The following PGPEP1L variants were observed in gnomAD, a reference collection of about 807,000 sequenced individuals.
The protein encoded by PGPEP1L is pyroglutamyl-peptidase I like.
Under a neutral mutation model 6.0 loss-of-function variants are expected in PGPEP1L, and 7 were observed. That is an observed-to-expected ratio of 1.17 (90% CI 0.66 to 2.19). The LOEUF is 2.19. Ranked by LOEUF, PGPEP1L falls within the 30% of genes most tolerant of loss-of-function variation. PGPEP1L has a pLI of 0.00. For missense variants in PGPEP1L, 209 were observed against 192.5 expected, an observed-to-expected ratio of 1.09 and a Z score of -0.51; for synonymous variants, 103 against 83.9, an observed-to-expected ratio of 1.23 and a Z score of -1.24.
chr15:99,007,248 C>T (rs549680854), intron 1 of PGPEP1L, 111 bp downstream of exon 1: 70 of 152,230 alleles, frequency 4.6e-4, no homozygotes, highest in African/African-American at 1.6e-3. Context: ...GATTTTTGTA[C>T]TTTGCCTCAT....
intron 2 of PGPEP1L, among the ~76,000 whole-genome samples, chr15:98,971,633 G>A (rs1258206413): frequency 6.6e-6 from 1 of 152,186 alleles, no homozygotes. Flanking sequence ...GGAAATCAAT[G>A]CCAGACCTGT....
At chr15:98,975,296 AATG>A (rs2017552245) in intron 2 of PGPEP1L, among the ~76,000 whole-genome samples, 1 of 152,210 alleles carries the variant, frequency 6.6e-6, no homozygotes, top group African/African-American at 2.4e-5. Flanking sequence ...TAGAGAATAG[AATG>A]ATGATTACCA....
intron 2 of PGPEP1L, among the ~76,000 whole-genome samples, chr15:98,993,161 G>A (rs1453367605): frequency 6.6e-6 from 1 of 152,108 alleles, no homozygotes; most frequent in Admixed American, 6.5e-5. Flanking sequence ...TCATCAGAGT[G>A]AACAAGCAAC....
At chr15:98,983,171 AG>A (rs1596518397) in intron 2 of PGPEP1L, among the ~76,000 whole-genome samples, 1 of 145,216 alleles carries the variant, frequency 6.9e-6, no homozygotes, top group East Asian at 2.1e-4. Context: ...AAAAAAAAAA[AG>A]AAGAATCAAG....
intron 2 of PGPEP1L, among the ~76,000 whole-genome samples, chr15:98,972,872 CAAAAAAAAA>C (rs58126997): frequency 1.3e-4 from 6 of 45,688 alleles, no homozygotes; most frequent in East Asian, 8.3e-4. Flanking sequence ...GACTCCGTCT[CAAAAAAAAA>C]AAAAAAAAAA....
intron 2 of PGPEP1L, among the ~76,000 whole-genome samples, chr15:98,997,481 TGACAGC>T (rs1377335399): frequency 4.6e-5 from 7 of 152,094 alleles, no homozygotes; most frequent in African/African-American, 1.7e-4. Flanking sequence ...GTCACCTGAG[TGACAGC>T]TGTATGGGGA....
At chr15:98,986,656 G>A (rs2017751256) in intron 2 of PGPEP1L, among the ~76,000 whole-genome samples, 1 of 152,182 alleles carries the variant, frequency 6.6e-6, no homozygotes, top group Non-Finnish European at 1.5e-5. Context: ...AAGTACAGGT[G>A]GATCTGGTGA....
At chr15:99,007,204 G>A (rs1225707503) in intron 1 of PGPEP1L, among the ~76,000 whole-genome samples, 155 bp downstream of exon 1, 1 of 152,164 alleles carries the variant, frequency 6.6e-6, no homozygotes, top group African/African-American at 2.4e-5. Context: ...GTCCTGAGAA[G>A]CTGGGCCCAC....
chr15:98,977,017 AAAAAAC>A (rs1030555539), intron 2 of PGPEP1L, among the ~76,000 whole-genome samples: 24 of 151,944 alleles, frequency 1.6e-4, no homozygotes, highest in Admixed American at 6.6e-4. Context: ...AAAAAAAAAA[AAAAAAC>A]AAGTCTGTAG....
intron 2 of PGPEP1L, among the ~76,000 whole-genome samples, chr15:98,974,335 C>T (rs956666138): frequency 6.6e-6 from 1 of 152,028 alleles, no homozygotes. Context: ...GCCAAGATCA[C>T]AGCACTGCAC....
intron 2 of PGPEP1L, among the ~76,000 whole-genome samples, chr15:98,979,157 G>A (rs1325968155): frequency 1.3e-5 from 2 of 152,086 alleles, no homozygotes; most frequent in Non-Finnish European, 2.9e-5. Flanking sequence ...CATGCTGACA[G>A]AGTGCGTAAC....
intron 4 of PGPEP1L, among the ~76,000 whole-genome samples, 152 bp from the exon 5 acceptor site, chr15:98,968,849 T>C (rs1411572487): frequency 6.6e-6 from 1 of 152,172 alleles, no homozygotes; most frequent in Non-Finnish European, 1.5e-5. Context: ...AGAAAGAACA[T>C]GGTGCCAGGA....
At chr15:98,987,091 C>A (rs772088163) in intron 2 of PGPEP1L, among the ~76,000 whole-genome samples, 2 of 133,874 alleles carry the variant, frequency 1.5e-5, no homozygotes, top group South Asian at 2.5e-4. Context: ...TGCTTAAACC[C>A]GGGAGGCGAG....
chr15:98,980,838 A>C (rs1345187391), intron 2 of PGPEP1L, among the ~76,000 whole-genome samples: 1 of 152,070 alleles, frequency 6.6e-6, no homozygotes, highest in Non-Finnish European at 1.5e-5. Flanking sequence ...AGGCTGAGCC[A>C]GGAGAATTGC....
Position 98,968,604 on chromosome 15 carries a change from C to A in PGPEP1L, c.303G>T (p.Pro101=). 1 of 1,608,156 alleles carries A rather than the reference C, an allele frequency of 6.2e-7. No homozygotes were observed. Among genetic ancestry groups the A allele is most frequent in the African/African-American group, 1.3e-5 (1 of 75,022 alleles). The change falls in exon 5 of 5, where the codon CCG becomes CCT. Residue 101 remains proline (P), a synonymous_variant. Coordinates refer to ENST00000535714, the MANE Select transcript of PGPEP1L (RefSeq NM_001167902.2). ...TCAAGGCTCTTCCCAGCAGGCTGGC[C>A]GGGAGCCCGCGCGATAGTGGAGGGA... ...IHVPPLSRGL[P]ASLLGRALRV...
At chr15:98,978,388 A>G (rs2017600193) in intron 2 of PGPEP1L, among the ~76,000 whole-genome samples, 1 of 152,240 alleles carries the variant, frequency 6.6e-6, no homozygotes. Context: ...AATTAATGGC[A>G]TCTCAAACTG....
At chr15:98,988,855 C>T (rs1460553955) in intron 2 of PGPEP1L, among the ~76,000 whole-genome samples, 2 of 152,192 alleles carry the variant, frequency 1.3e-5, no homozygotes, top group African/African-American at 2.4e-5. Context: ...AGTGAACCTC[C>T]GGCAAACTCC....
rs369749842 is a variant in PGPEP1L, at chr15:98,982,700, C to CTTTTTTTTTTTTTTTTTTT, written c.-141-11561_-141-11543dup. ...TCACTCTGGTTATTTTTATCTGAGG[C>CTTTTTTTTTTTTTTTTTTT]TTTTTTTTTTTTTTTTTTTTTTTTT... On this transcript the variant is annotated intron_variant, in intron 2 of 4. Transcript: ENST00000535714. Among the ~76,000 whole-genome samples the CTTTTTTTTTTTTTTTTTTT allele has an allele frequency of 1.9e-3, 102 of 52,502 alleles. 19 individuals are homozygous for CTTTTTTTTTTTTTTTTTTT. The highest frequency in any genetic ancestry group is 3.5e-3 in the Non-Finnish European group (84 of 23,884). The allele number at this position is 52,502 out of a possible 152,430, so 34.4% of individuals were successfully genotyped here. A position where few individuals can be genotyped will look rare whatever the true frequency, so the allele number is the denominator to read the frequency against.
chr15:98,971,093 T>C lies in PGPEP1L; in HGVS notation c.-76A>G. 6.2e-7 allele frequency: 1 copy of C among 1,612,384 alleles called. No individual in the cohort carries two copies. Among genetic ancestry groups the C allele is most frequent in the Non-Finnish European group, 8.5e-7 (1 of 1,179,154 alleles). The stretch of plus-strand genomic sequence containing the variant: ...CCCTCCGCTTAGCCTCCCTGTAATC[T>C]ACAGGCAGCTCCAGAGTCCGCAGCT... On this transcript the variant is annotated 5_prime_UTR_variant, in exon 3 of 5. The change abolishes the stop of an existing upstream ORF in the 5' untranslated region. Transcript: ENST00000535714.
Sources: allele counts gnomAD v4.1 joint callset (sites outside exome capture counted in the v4.1 genomes callset), GRCh38; gene constraint gnomAD v4.1.1; transcripts MANE v1.5; gene names NCBI Gene and HGNC (gene_info 2026-07-23, HGNC 2026-07-21).